Variants in RNF146 observed in about 807,000 individuals in gnomAD.
RNF146 encodes E3 ubiquitin-protein ligase RNF146.
Under a neutral mutation model 29.7 loss-of-function variants are expected in RNF146, and 11 were observed. The observed-to-expected ratio is 0.37, with a 90% CI of 0.23 to 0.61. The LOEUF (loss-of-function observed/expected upper bound fraction) is 0.61. Among genes scored for constraint, RNF146 ranks in the 20% least tolerant of loss-of-function variants. The pLI, the probability that RNF146 is intolerant of heterozygous loss-of-function variation, is 0.66. For missense variants in RNF146, 342 were observed against 438.9 expected (o/e 0.78, Z 1.97); for synonymous variants, 150 against 159.7 (o/e 0.94, Z 0.46).
chr6:127,271,273 A>G (rs186845678), intron 1 of RNF146, among the ~76,000 whole-genome samples: 34 of 152,262 alleles, frequency 2.2e-4, no homozygotes, highest in Non-Finnish European at 4.0e-4. Context: ...TGGAAACTCA[A>G]AAGTTTACAT....
Position 127,286,181 on chromosome 6 carries a change from A to G in RNF146, c.3-435A>G. On this transcript the variant is annotated intron_variant, in intron 2 of 2. Coordinates refer to ENST00000368314, the MANE Select transcript of RNF146 (RefSeq NM_001242850.2). This position sits in a 1 kb window ranked among gnomAD's most constrained non-coding sequence, Gnocchi z 4.6. The stretch of plus-strand genomic sequence containing the variant: ...CTTTGTAAACTCTGATTTGCAGGTA[A>G]GGAAATTTAGACTAATGGTTTAACT... The G allele has an allele frequency of 1.6e-6, 2 of 1,230,534 alleles. No homozygotes were observed. The highest frequency in any genetic ancestry group is 2.0e-6 in the Non-Finnish European group (2 of 987,238). 76.2% of individuals were successfully genotyped at this position (1,230,534 alleles called of 1,614,324 possible).
intron 1 of RNF146, among the ~76,000 whole-genome samples, chr6:127,268,196 G>T (rs1412745843): frequency 3.3e-5 from 5 of 152,114 alleles, no homozygotes; most frequent in African/African-American, 4.8e-5. Flanking sequence ...TCAGGTAGTG[G>T]GCACATCCCC....
At chr6:127,268,762 A>G (rs1183797855) in intron 1 of RNF146, among the ~76,000 whole-genome samples, 1 of 152,204 alleles carries the variant, frequency 6.6e-6, no homozygotes, top group Non-Finnish European at 1.5e-5. Flanking sequence ...AGAAGAAAAA[A>G]GAAATAACTT....
chr6:127,269,960 T>A (rs879415465), intron 1 of RNF146, among the ~76,000 whole-genome samples: 1 of 152,168 alleles, frequency 6.6e-6, no homozygotes, highest in Non-Finnish European at 1.5e-5. Context: ...ATACAGTAAG[T>A]CTTCAAATAT....
At chr6:127,270,531 T>C in intron 1 of RNF146, among the ~76,000 whole-genome samples, 1 of 152,186 alleles carries the variant, frequency 6.6e-6, no homozygotes, top group South Asian at 2.1e-4. Context: ...CCTCCAACTT[T>C]AAAAAAACTT....
At chr6:127,272,426 C>T (rs1320984904) in intron 1 of RNF146, among the ~76,000 whole-genome samples, 1 of 152,102 alleles carries the variant, frequency 6.6e-6, no homozygotes, top group Non-Finnish European at 1.5e-5. Flanking sequence ...AGCATTTATC[C>T]AGTTAGTCTG....
intron 2 of RNF146, among the ~76,000 whole-genome samples, chr6:127,282,903 T>G (rs546666768): frequency 4.0e-5 from 6 of 151,838 alleles, no homozygotes; most frequent in Non-Finnish European, 7.4e-5. Flanking sequence ...TGTAATTGGA[T>G]TCTAAATTCA....
In RNF146 at chr6:127,273,323, T is replaced by G. The variant is rs1777751252; in HGVS notation, c.-109+6398T>G. The stretch of plus-strand genomic sequence containing the variant: ...ATACAGCTATGATTCATACTGCATC[T>G]TTACATTTGTTTAAATTTCTTGTAC... On this transcript the variant is annotated intron_variant, in intron 1 of 2. Transcript: ENST00000368314. 1.3e-5 allele frequency among the ~76,000 whole-genome samples: 2 copies of G among 152,206 alleles called. 1 individual carries two copies. Among genetic ancestry groups the G allele is most frequent in the South Asian group, 4.1e-4 (2 of 4,830 alleles).
At position 127,287,000 on chromosome 6, in the gene RNF146, T is replaced by C; in HGVS notation, c.387T>C (p.Phe129=). Reference sequence around the variant, plus strand: ...CTAGTAGAGAGCTGGAAGATGCTTTTTCCAAAGGTAAAAAGAACACTGAAA... The same window carrying C: ...CTAGTAGAGAGCTGGAAGATGCTTTCTCCAAAGGTAAAAAGAACACTGAAA... ...ERTSRELEDA[F]SKGKKNTEML... is the part of the protein sequence containing the mutation. Residue 129 remains phenylalanine (F), a synonymous_variant, in exon 3 of 3, where the codon TTT becomes TTC. Transcript: ENST00000368314. This position sits in a 1 kb window ranked among gnomAD's most constrained non-coding sequence, Gnocchi z 4.6. The C allele has an allele frequency of 6.2e-7, 1 of 1,613,410 alleles. No homozygotes were observed.
chr6:127,288,403 A>G lies in RNF146; in HGVS notation c.*710A>G, dbSNP rs987386812. 6.0e-6 allele frequency: 1 copy of G among 166,840 alleles called. No individual in the cohort carries two copies. The highest frequency in any genetic ancestry group is 6.6e-5 in the Admixed American group (1 of 15,224). 10.3% of individuals were successfully genotyped at this position (166,840 alleles called of 1,614,324 possible). Reference sequence around the variant, plus strand: ...TTGAGGGTGGAAAGGGTGTGGAAACATTTTGACATTTGTGACCAAAGGTCA... The same window carrying G: ...TTGAGGGTGGAAAGGGTGTGGAAACGTTTTGACATTTGTGACCAAAGGTCA... On this transcript the variant is annotated 3_prime_UTR_variant, in exon 3 of 3. Coordinates refer to ENST00000368314, the MANE Select transcript of RNF146 (RefSeq NM_001242850.2).
chr6:127,285,394 T>G lies in RNF146; in HGVS notation c.3-1222T>G, dbSNP rs190616622. 15 of 939,456 alleles carry G rather than the reference T, an allele frequency of 1.6e-5. No homozygotes were observed. In the African/African-American group the frequency reaches 2.7e-4, roughly 17 times the overall value. The allele number at this position is 939,456 out of a possible 1,614,324, so 58.2% of individuals were successfully genotyped here. A position where few individuals can be genotyped will look rare whatever the true frequency, so the allele number is the denominator to read the frequency against. On this transcript the variant is annotated intron_variant, in intron 2 of 2. Coordinates refer to ENST00000368314, the MANE Select transcript of RNF146 (RefSeq NM_001242850.2). ...TATCTTTTGTAACTACTGACCCATTTAGAATGGCAGAATTAGCTGGCAGAG... is the reference window on the plus strand; with the variant it reads ...TATCTTTTGTAACTACTGACCCATTGAGAATGGCAGAATTAGCTGGCAGAG...
intron 1 of RNF146, among the ~76,000 whole-genome samples, chr6:127,271,314 C>G (rs1288475094): frequency 6.6e-6 from 1 of 152,116 alleles, no homozygotes; most frequent in Non-Finnish European, 1.5e-5. Context: ...TGTAGACATT[C>G]TTAACTCCTC....
At chr6:127,285,621 G>C (rs1351053258) in intron 2 of RNF146, among the ~76,000 whole-genome samples, 1 of 138,540 alleles carries the variant, frequency 7.2e-6, no homozygotes, top group Non-Finnish European at 1.5e-5. Context: ...CTTAACTTTT[G>C]ATTACCTTTA....
At chr6:127,275,327 A>G (rs1027211070) in intron 1 of RNF146, among the ~76,000 whole-genome samples, 3 of 152,140 alleles carry the variant, frequency 2.0e-5, no homozygotes, top group Non-Finnish European at 1.5e-5. Flanking sequence ...TTAGATTTTA[A>G]GTTATATAAA....
chr6:127,271,781 T>C (rs1777534667), intron 1 of RNF146, among the ~76,000 whole-genome samples: 1 of 152,166 alleles, frequency 6.6e-6, no homozygotes, highest in African/African-American at 2.4e-5. Flanking sequence ...TTAAATAAAA[T>C]ATATTATTGA....
chr6:127,279,160 C>G (rs909283575), intron 1 of RNF146, among the ~76,000 whole-genome samples: 1 of 151,896 alleles, frequency 6.6e-6, no homozygotes, highest in African/African-American at 2.4e-5. Context: ...CTATGTTTCT[C>G]ATGCTTTTGA....
At chr6:127,282,553 C>T (rs1290344302) in intron 2 of RNF146, among the ~76,000 whole-genome samples, 1 of 151,714 alleles carries the variant, frequency 6.6e-6, no homozygotes, top group Admixed American at 6.6e-5. Flanking sequence ...AATGTGTCAC[C>T]ATCCATCAGT....
chr6:127,267,560 T>G (rs978303491), intron 1 of RNF146, among the ~76,000 whole-genome samples: 1 of 152,132 alleles, frequency 6.6e-6, no homozygotes, highest in Non-Finnish European at 1.5e-5. Flanking sequence ...TCCCGGAGTG[T>G]CTCTGGCTGC....
At chr6:127,276,749 A>G (rs932625625) in intron 1 of RNF146, among the ~76,000 whole-genome samples, 2 of 152,076 alleles carry the variant, frequency 1.3e-5, no homozygotes, top group East Asian at 1.9e-4. Context: ...TTAGGTGACA[A>G]CTAGCTTTAA....
Sources: allele counts gnomAD v4.1 joint callset (sites outside exome capture counted in the v4.1 genomes callset), GRCh38; gene constraint gnomAD v4.1.1; non-coding constraint Gnocchi (gnomAD v3.1); transcripts MANE v1.5; gene names NCBI Gene and HGNC (gene_info 2026-07-23, HGNC 2026-07-21).